Variants in NLRP11 observed in about 807,000 individuals in gnomAD.
The protein encoded by NLRP11 is NLR family pyrin domain containing 11, also known as NACHT, LRR and PYD domains-containing protein 11.
In NLRP11, 53 loss-of-function variants were observed where a neutral mutation model predicts 79.3. The observed-to-expected ratio is 0.67, with a 90% CI of 0.54 to 0.84. The LOEUF (loss-of-function observed/expected upper bound fraction) is 0.84. Among genes scored for constraint, NLRP11 ranks in the 40% least tolerant of loss-of-function variants. The pLI is 0.00. For synonymous variants in NLRP11, 518 were observed against 462.6 expected (o/e 1.12, Z -1.54); for missense variants, 1,264 against 1,255.0 (o/e 1.01, Z -0.11).
chr19:55,833,259 A>G (rs1390512476), upstream of NLRP11, among the ~76,000 whole-genome samples: 3 of 152,206 alleles, frequency 2.0e-5, no homozygotes, highest in East Asian at 5.8e-4. Flanking sequence ...GAAGATGTTA[A>G]TATGCTCCCA....
intron 1 of NLRP11, among the ~76,000 whole-genome samples, chr19:55,827,361 A>T (rs201535614): frequency 0.019 from 2,547 of 136,288 alleles, 47 homozygotes; most frequent in East Asian, 0.064. Flanking sequence ...ATGGCCAAGG[A>T]CTTCATGTCT....
chr19:55,817,693 G>C (rs1045178203), intron 2 of NLRP11, among the ~76,000 whole-genome samples: 13 of 151,928 alleles, frequency 8.6e-5, no homozygotes, highest in Non-Finnish European at 2.9e-5. Flanking sequence ...GGAGGTGAGG[G>C]ATAAACGACT....
upstream of NLRP11, chr19:55,832,088 T>C (rs1273389787): frequency 2.6e-5 from 4 of 152,252 alleles, no homozygotes; most frequent in Non-Finnish European, 4.4e-5. Flanking sequence ...GGTGGGTTCT[T>C]GATGACCTTC....
At position 55,817,840 on chromosome 19, in the gene NLRP11, C is replaced by G. The variant is rs559098528; in HGVS notation, c.271+64G>C. On this transcript the variant is annotated intron_variant, in intron 2 of 9. Transcript: ENST00000589093. ...ATTTAGAAAAAAAAAAAAAAAAAGGCCCAACACCCAGCTTCCTGTGAAGTG... is the reference window on the plus strand; with the variant it reads ...ATTTAGAAAAAAAAAAAAAAAAAGGGCCAACACCCAGCTTCCTGTGAAGTG... The G allele has an allele frequency of 4.1e-6, 5 of 1,231,396 alleles. No individual in the cohort carries two copies. The African/African-American group carries it at 5.2e-5, about 13-fold the overall frequency. The allele number at this position is 1,231,396 out of a possible 1,614,324, so 76.3% of individuals were successfully genotyped here. A position where few individuals can be genotyped will look rare whatever the true frequency, so the allele number is the denominator to read the frequency against.
At chr19:55,827,458 T>C (rs375914908) in intron 1 of NLRP11, among the ~76,000 whole-genome samples, 4 of 150,722 alleles carry the variant, frequency 2.7e-5, no homozygotes, top group African/African-American at 7.4e-5. Flanking sequence ...CAAAAGAAAC[T>C]ACCATCAGAG....
upstream of NLRP11, among the ~76,000 whole-genome samples, chr19:55,833,873 G>A (rs1016150707): frequency 4.0e-5 from 6 of 151,192 alleles, no homozygotes; most frequent in African/African-American, 1.5e-4. Flanking sequence ...ACGAAAAGCT[G>A]GTTTATAACA....
At chr19:55,804,865 C>G (rs991658907) in intron 4 of NLRP11, among the ~76,000 whole-genome samples, 2 of 152,066 alleles carry the variant, frequency 1.3e-5, no homozygotes, top group Non-Finnish European at 2.9e-5. Flanking sequence ...GAAATCGAGA[C>G]CATCCTGGCT....
At chr19:55,830,462 G>C (rs150404139) in intron 1 of NLRP11, among the ~76,000 whole-genome samples, 1 of 152,018 alleles carries the variant, frequency 6.6e-6, no homozygotes, top group African/African-American at 2.4e-5. Flanking sequence ...TTTTTAAGTG[G>C]TTTGGTAATA....
rs758717393 is a variant in NLRP11, at chr19:55,809,749, C to T, written c.861G>A (p.Thr287=). 19 of 1,614,070 alleles carry T rather than the reference C, an allele frequency of 1.2e-5. No individual in the cohort carries two copies. Among genetic ancestry groups the T allele is most frequent in the South Asian group, 3.3e-5 (3 of 91,084 alleles). Residue 287 remains threonine (T), a synonymous_variant, in exon 3 of 10, where the codon ACG becomes ACA. Coordinates refer to ENST00000589093, the Ensembl canonical transcript of NLRP11. The surrounding 1 kb of genome is among the most constrained non-coding windows in gnomAD (Gnocchi z 4.5). ...TGCAGCAATCTACCTCTTTCAAGAA[C>T]GTTTTTACATTATTCCCACGTGTGG... is the stretch of plus-strand genomic sequence containing the variant.
At chr19:55,789,542 A>G (rs1241014745) in intron 7 of NLRP11, 143 bp from the exon 8 acceptor site, 2 of 701,564 alleles carry the variant, frequency 2.9e-6, no homozygotes, top group East Asian at 5.3e-5. Flanking sequence ...GTTAACATCT[A>G]CAGGTCACTT....
At position 55,788,973 on chromosome 19, in the gene NLRP11, C is replaced by G. The variant is rs549732958; in HGVS notation, c.2689G>C (p.Glu897Gln). Residue 897 changes from glutamate to glutamine, a missense_variant, in exon 9 of 10, where the codon GAA becomes CAA. Glu to Gln is a conservative substitution (Grantham distance 29). Transcript: ENST00000589093. ...CAGGCACTGGTTAACATGCACTCTT[C>G]TAGCCTGCAACGAAGATGCACAGGT... 7 of 1,613,920 alleles carry G rather than the reference C, an allele frequency of 4.3e-6. No individual in the cohort carries two copies. The South Asian group carries it at 6.6e-5, about 15-fold the overall frequency.
chr19:55,808,031 T>A lies in NLRP11; in HGVS notation c.1842-17A>T. 3 of 1,559,786 alleles carry A rather than the reference T, an allele frequency of 1.9e-6. No homozygotes were observed. The highest frequency in any genetic ancestry group is 2.6e-6 in the Non-Finnish European group (3 of 1,153,004). On this transcript the variant is annotated splice_polypyrimidine_tract_variant and intron_variant, in intron 3 of 9. Coordinates refer to ENST00000589093, the Ensembl canonical transcript of NLRP11. ...TTCATTTGACTACATAGAAGAAAAA[T>A]TGAGTTTTCCAATGGAATCGATTCA...
At chr19:55,792,373 C>A (rs746900880) in exon 7 of NLRP11, 25 of 1,614,010 alleles carry the variant, frequency 1.5e-5, no homozygotes, top group Non-Finnish European at 2.1e-5. Context: ...ATTTTTTAAG[C>A]GATTCACACA....
chr19:55,807,925 T>C, exon 4 of NLRP11: 1 of 1,612,092 alleles, frequency 6.2e-7, no homozygotes, highest in Non-Finnish European at 8.5e-7. Flanking sequence ...ACCATTAAGG[T>C]CATTGTCAAA....
At chr19:55,832,833 A>G (rs1231141256), upstream of NLRP11, 3 of 152,218 alleles carry the variant, frequency 2.0e-5, no homozygotes, top group African/African-American at 7.2e-5. Flanking sequence ...TACCTTTTAC[A>G]ATAAGATACA....
At chr19:55,804,454 C>T (rs299172) in intron 4 of NLRP11, among the ~76,000 whole-genome samples, 117,759 of 151,228 alleles carry the variant, frequency 0.78, 46,400 homozygotes, top group African/African-American at 0.9. Context: ...TTTTTTTTGG[C>T]GGGGGCAGGA....
At position 55,785,599 on chromosome 19, in the gene NLRP11, AT is replaced by A. The variant is rs758498121; in HGVS notation, c.*25del. 54 of 1,589,272 alleles carry A rather than the reference AT, an allele frequency of 3.4e-5. No individual in the cohort carries two copies. The African/African-American group carries it at 6.5e-4, about 19-fold the overall frequency. On this transcript the variant is annotated 3_prime_UTR_variant, in exon 10 of 10. Transcript: ENST00000589093. ...ATCCCAGTCACGGTAGTAATTTATAATAAATACTGTTTACGTACAACATGAT... is the reference window on the plus strand; with the variant it reads ...ATCCCAGTCACGGTAGTAATTTATAAAAATACTGTTTACGTACAACATGAT...
chr19:55,801,404 AG>A (rs772891006), intron 5 of NLRP11, among the ~76,000 whole-genome samples, 167 bp downstream of exon 5: 9 of 152,210 alleles, frequency 5.9e-5, no homozygotes, highest in Non-Finnish European at 1.3e-4. Flanking sequence ...TGAAATCAAA[AG>A]GCAGGAATAA....
intron 1 of NLRP11, among the ~76,000 whole-genome samples, chr19:55,822,482 C>G (rs867213047): frequency 1.3e-5 from 2 of 152,094 alleles, no homozygotes; most frequent in Non-Finnish European, 2.9e-5. Flanking sequence ...GGGTGATTTC[C>G]GCATTTCCAT....
Sources: allele counts gnomAD v4.1 joint callset (sites outside exome capture counted in the v4.1 genomes callset), GRCh38; gene constraint gnomAD v4.1.1; non-coding constraint Gnocchi (gnomAD v3.1); transcripts MANE v1.5; gene names NCBI Gene and HGNC (gene_info 2026-07-23, HGNC 2026-07-21).